Variants in KSR1 observed in about 807,000 individuals in gnomAD.
KSR1 encodes kinase suppressor of ras 1.
In KSR1, 35 loss-of-function variants were observed where a neutral mutation model predicts 92.9. The observed-to-expected ratio is 0.38, with a 90% confidence interval of 0.29 to 0.50. The LOEUF is 0.50. KSR1 is among the 20% of genes least tolerant of loss of function. The pLI, the probability that KSR1 is intolerant of heterozygous loss-of-function variation, is 0.94. For synonymous variants in KSR1, 467 were observed against 472.6 expected (o/e 0.99, Z 0.15); for missense variants, 972 against 1,158.5 (o/e 0.84, Z 2.34).
At chr17:27,620,502 T>C (rs1356056121) in intron 19 of KSR1, among the ~76,000 whole-genome samples, 2 of 152,186 alleles carry the variant, frequency 1.3e-5, no homozygotes, top group African/African-American at 4.8e-5. Context: ...TTAATGTGCA[T>C]GAATGAATGT....
At chr17:27,460,706 A>C (rs751106068) in intron 1 of KSR1, among the ~76,000 whole-genome samples, 15 of 152,172 alleles carry the variant, frequency 9.9e-5, no homozygotes, top group Non-Finnish European at 1.0e-4. Flanking sequence ...CAGAGGTCAG[A>C]GTCCCACCGT....
intron 1 of KSR1, among the ~76,000 whole-genome samples, chr17:27,501,762 G>T (rs957042748): frequency 6.6e-6 from 1 of 152,250 alleles, no homozygotes; most frequent in African/African-American, 2.4e-5. Flanking sequence ...GCCTCCCAAA[G>T]TGCTGGGATT....
At position 27,609,470 on chromosome 17, in the gene KSR1, G is replaced by A. The variant is rs148441005; in HGVS notation, c.2225+141G>A. The A allele has an allele frequency of 1.1e-3, 1,251 of 1,088,598 alleles. 8 individuals carry two copies. The African/African-American group carries it at 0.018, about 16-fold the overall frequency. 67.4% of individuals were successfully genotyped at this position (1,088,598 alleles called of 1,614,324 possible). On this transcript the variant is annotated intron_variant, in intron 16 of 20. Coordinates refer to ENST00000644974, the MANE Select transcript of KSR1 (RefSeq NM_001394583.1). ...CCCAGGTCGCTTTGGTCCTGCCCTC[G>A]TAGTTCTGGTTCAGAATCAGATTTG...
At chr17:27,468,987 G>C (rs1204854193) in intron 1 of KSR1, among the ~76,000 whole-genome samples, 1 of 152,046 alleles carries the variant, frequency 6.6e-6, no homozygotes, top group Non-Finnish European at 1.5e-5. Flanking sequence ...CCTTTTCCTT[G>C]TTGCTTGTTC....
intron 1 of KSR1, among the ~76,000 whole-genome samples, chr17:27,464,012 AG>A (rs2019566397): frequency 6.6e-6 from 1 of 152,178 alleles, no homozygotes; most frequent in East Asian, 1.9e-4. Flanking sequence ...GAATTAACAA[AG>A]GGTGGTTATT....
At chr17:27,525,532 A>C (rs1164316089) in intron 1 of KSR1, among the ~76,000 whole-genome samples, 2 of 152,214 alleles carry the variant, frequency 1.3e-5, no homozygotes, top group Non-Finnish European at 2.9e-5. Context: ...GATTATATGT[A>C]GTACTGGAAT....
chr17:27,561,835 GTGTT>G (rs1177088330), intron 2 of KSR1, among the ~76,000 whole-genome samples: 3 of 152,142 alleles, frequency 2.0e-5, no homozygotes, highest in East Asian at 1.9e-4. Flanking sequence ...GTACTGCTTG[GTGTT>G]TGTTTGTTTG....
At chr17:27,526,094 T>TTCTTTC (rs55706224) in intron 1 of KSR1, among the ~76,000 whole-genome samples, 9,248 of 118,410 alleles carry the variant, frequency 0.078, 678 homozygotes, top group South Asian at 0.14. Flanking sequence ...CTTTCTTTCT[T>TTCTTTC]TCTCTCTCTC....
chr17:27,545,659 A>G (rs2071145339), intron 1 of KSR1, among the ~76,000 whole-genome samples: 1 of 152,178 alleles, frequency 6.6e-6, no homozygotes, highest in Non-Finnish European at 1.5e-5. Flanking sequence ...AAGCGTGAAA[A>G]ATCAGAACTG....
In KSR1 at chr17:27,559,680, G is replaced by A. The variant is rs958177201; in HGVS notation, c.372+8972G>A. On this transcript the variant is annotated intron_variant, in intron 2 of 20. Transcript: ENST00000644974. The surrounding 1 kb of genome is among the most constrained non-coding windows in gnomAD (Gnocchi z 4.2). ...GAGCCCCAGATGCCCTGATGGCTCC[G>A]GGATGGGATCTGTTGGAGCCAGTGG... Among the ~76,000 whole-genome samples, 1 of 152,234 alleles carries A rather than the reference G, an allele frequency of 6.6e-6. No individual in the cohort carries two copies. Among genetic ancestry groups the A allele is most frequent in the African/African-American group, 2.4e-5 (1 of 41,462 alleles).
At chr17:27,465,839 G>T (rs182588571) in intron 1 of KSR1, among the ~76,000 whole-genome samples, 3 of 151,896 alleles carry the variant, frequency 2.0e-5, no homozygotes, top group Non-Finnish European at 4.4e-5. Context: ...TTCATTCATG[G>T]TGCACACACA....
intron 1 of KSR1, among the ~76,000 whole-genome samples, chr17:27,485,306 T>G (rs1204634978): frequency 6.6e-6 from 1 of 152,072 alleles, no homozygotes; most frequent in Non-Finnish European, 1.5e-5. Context: ...GGGTGATGGG[T>G]GGATGCTAGG....
At chr17:27,458,389 T>G (rs1434296609) in intron 1 of KSR1, among the ~76,000 whole-genome samples, 6 of 152,206 alleles carry the variant, frequency 3.9e-5, no homozygotes, top group Non-Finnish European at 8.8e-5. Context: ...TCGGTGTTGC[T>G]GGGCTTGGAG....
chr17:27,582,997 C>A lies in KSR1; in HGVS notation c.872C>A (p.Pro291Gln), dbSNP rs375472780. 1.2e-4 allele frequency: 196 copies of A among 1,609,130 alleles called. No homozygotes were observed. Among genetic ancestry groups the A allele is most frequent in the East Asian group, 2.9e-4 (13 of 44,642 alleles). The change falls in exon 4 of 21, where the codon CCA becomes CAA. Residue 291 changes from proline to glutamine, a missense_variant. Transcript: ENST00000644974. ...CTGAAGCCACCACGGACGCCCCCCC[C>A]ACCCAGCCGCAAGGTCTTCCAGCTG... Reference protein sequence around the residue: ...TKLKPPRTPPPPSRKVFQLLP... With the variant: ...TKLKPPRTPPQPSRKVFQLLP...
intron 2 of KSR1, among the ~76,000 whole-genome samples, chr17:27,572,896 G>T (rs987765049): frequency 5.9e-5 from 9 of 152,192 alleles, no homozygotes; most frequent in Admixed American, 5.9e-4. Context: ...ACAGCCACGC[G>T]ACCGTCCTGG....
intron 1 of KSR1, among the ~76,000 whole-genome samples, chr17:27,498,502 G>A (rs563247763): frequency 6.6e-5 from 10 of 152,256 alleles, no homozygotes; most frequent in Non-Finnish European, 1.0e-4. Flanking sequence ...CCCACTTTCC[G>A]GACAGTCCAG....
chr17:27,525,217 T>TG (rs2070211900), intron 1 of KSR1, among the ~76,000 whole-genome samples: 1 of 152,226 alleles, frequency 6.6e-6, no homozygotes, highest in Admixed American at 6.5e-5. Context: ...TGTGTGAACT[T>TG]GGACAGGGCT....
rs369066812 is a variant in KSR1 at position 27,588,529 on chromosome 17, C to T, written c.1040C>T (p.Thr347Met). Reference sequence around the variant, plus strand: ...CGGAGGGATATCGGGCTGTCGGTGACGCACAGGTAGGCACAGCGGGCCTGG... The same window carrying T: ...CGGAGGGATATCGGGCTGTCGGTGATGCACAGGTAGGCACAGCGGGCCTGG... ...MVRRDIGLSV[T>M]HRFSTKSWLS... The change falls in exon 6 of 21, where the codon ACG (threonine) becomes ATG (methionine). Residue 347 changes from threonine (T) to methionine (M), a missense_variant. By Grantham distance (81) the Thr-to-Met change is moderately conservative (BLOSUM62 -1). Transcript: ENST00000644974. The T allele has an allele frequency of 2.0e-4, 314 of 1,593,386 alleles. No homozygotes were observed. Among genetic ancestry groups the T allele is most frequent in the East Asian group, 7.5e-4 (33 of 44,104 alleles).
chr17:27,517,131 T>C lies in KSR1; in HGVS notation c.232-33437T>C, dbSNP rs527248668. On this transcript the variant is annotated intron_variant, in intron 1 of 20. Coordinates refer to ENST00000644974, the MANE Select transcript of KSR1 (RefSeq NM_001394583.1). The stretch of plus-strand genomic sequence containing the variant: ...CTTCCCTTTCTAGGTAATTTTCTGA[T>C]CCTGAAAAGATTAACTGAGATCCTA... Among the ~76,000 whole-genome samples, 461 of 152,328 alleles carry C rather than the reference T, an allele frequency of 3.0e-3. 1 individual carries two copies. The highest frequency in any genetic ancestry group is 4.1e-3 in the Non-Finnish European group (276 of 68,018).
Sources: gnomAD v4.1 joint callset for allele counts (sites outside exome capture counted in the v4.1 genomes callset) on GRCh38, gnomAD v4.1.1 for gene constraint, Gnocchi (gnomAD v3.1) non-coding constraint, MANE v1.5 for transcripts, NCBI Gene and HGNC (gene_info 2026-07-23, HGNC 2026-07-21) for gene names.